Variants in PDE1C observed in about 807,000 individuals in gnomAD.
PDE1C encodes dual specificity calcium/calmodulin-dependent 3',5'-cyclic nucleotide phosphodiesterase 1C.
In PDE1C, 62 loss-of-function variants were observed where a neutral mutation model predicts 93.1. The observed-to-expected ratio is 0.67, with a 90% CI of 0.54 to 0.82. PDE1C has a LOEUF of 0.82. Ranked by LOEUF, PDE1C falls within the 40% of genes least tolerant of loss-of-function variation. The pLI is 0.00. For synonymous variants in PDE1C, 325 were observed against 310.1 expected, an observed-to-expected ratio of 1.05 and a Z score of -0.50; for missense variants, 742 against 884.6, an observed-to-expected ratio of 0.84 and a Z score of 2.04.
At chr7:32,071,087 G>A (rs1269912872), upstream of PDE1C, 9 of 985,496 alleles carry the variant, frequency 9.1e-6, no homozygotes, top group African/African-American at 1.7e-5. Context: ...GGGGCGCGCG[G>A]GCACCGCCGT....
chr7:32,309,406 A>G (rs1448971547), intron 1 of PDE1C, among the ~76,000 whole-genome samples: 3 of 152,326 alleles, frequency 2.0e-5, no homozygotes, highest in Non-Finnish European at 4.4e-5. Context: ...GAAAGCCACA[A>G]AGATACTCCT....
At chr7:32,382,119 G>A (rs1369376549) in intron 1 of PDE1C, among the ~76,000 whole-genome samples, 2 of 152,176 alleles carry the variant, frequency 1.3e-5, no homozygotes, top group African/African-American at 4.8e-5. Context: ...GGCAGAACCA[G>A]GATTTGAACC....
rs142207831 is a variant in PDE1C, at chr7:32,222,242, A to G, written c.86-12703T>C. Among the ~76,000 whole-genome samples, 38 of 152,336 alleles carry G rather than the reference A, an allele frequency of 2.5e-4. No individual in the cohort carries two copies. The East Asian group carries it at 6.9e-3, about 28-fold the overall frequency. On this transcript the variant is annotated intron_variant, in intron 1 of 18. Coordinates refer to the PDE1C transcript ENST00000396193. Reference sequence around the variant, plus strand: ...AGCATAAATCATCGCATCGTTACCAACTGGCTTCAGGCTGAACAGATCAAA... The same window carrying G: ...AGCATAAATCATCGCATCGTTACCAGCTGGCTTCAGGCTGAACAGATCAAA...
chr7:31,834,242 G>T (rs1024029923), intron 11 of PDE1C, among the ~76,000 whole-genome samples: 1 of 152,236 alleles, frequency 6.6e-6, no homozygotes, highest in African/African-American at 2.4e-5. Context: ...GATAACCTCT[G>T]CTATGGTAGT....
the PDE1C span, among the ~76,000 whole-genome samples, chr7:31,659,143 C>A: frequency 2.0e-5 from 3 of 152,048 alleles, no homozygotes; most frequent in African/African-American, 7.2e-5. Context: ...ATCCCTGAAA[C>A]CAAGTGTTTA....
At chr7:31,960,553 T>C (rs1432225996) in intron 2 of PDE1C, among the ~76,000 whole-genome samples, 2 of 152,226 alleles carry the variant, frequency 1.3e-5, no homozygotes, top group Non-Finnish European at 2.9e-5. Flanking sequence ...TTTATCATTG[T>C]ACAGTGATTA....
chr7:32,096,264 C>T (rs1417413903), intron 3 of PDE1C, among the ~76,000 whole-genome samples: 1 of 152,196 alleles, frequency 6.6e-6, no homozygotes, highest in Admixed American at 6.5e-5. Flanking sequence ...ATTCACTAAG[C>T]AGGCAGTGCA....
At chr7:32,130,988 T>C (rs975578212) in intron 3 of PDE1C, among the ~76,000 whole-genome samples, 1 of 152,102 alleles carries the variant, frequency 6.6e-6, no homozygotes, top group Non-Finnish European at 1.5e-5. Flanking sequence ...TCATGTTCCC[T>C]TTAGGTCCCT....
chr7:31,777,418 T>A (rs1417192291), intron 16 of PDE1C, among the ~76,000 whole-genome samples: 3 of 152,138 alleles, frequency 2.0e-5, no homozygotes, highest in Non-Finnish European at 2.9e-5. Context: ...AAGCTCCGTC[T>A]CCCGGGTTCA....
chr7:32,147,322 A>AAG lies in PDE1C; in HGVS notation c.308+22461_308+22462dup, dbSNP rs1025574627. On this transcript the variant is annotated intron_variant, in intron 3 of 18. Coordinates refer to the PDE1C transcript ENST00000396193. ...AAAGAAAGAAAGAAAGAAAGAAAGA[A>AAG]AGAAAGAAAGACGCTGTTTGTAGGT... Among the ~76,000 whole-genome samples, 280 of 144,126 alleles carry AAG rather than the reference A, an allele frequency of 1.9e-3. 5 individuals carry two copies. Among genetic ancestry groups the AAG allele is most frequent in the African/African-American group, 7.4e-3 (260 of 35,348 alleles). 94.6% of individuals were successfully genotyped at this position (144,126 alleles called of 152,430 possible).
chr7:31,660,527 CTGTT>C, the PDE1C span, among the ~76,000 whole-genome samples: 7 of 141,044 alleles, frequency 5.0e-5, no homozygotes, highest in Non-Finnish European at 1.1e-4. Context: ...TTTTTTTTTT[CTGTT>C]TATTTTTCTG....
intron 1 of PDE1C, among the ~76,000 whole-genome samples, chr7:32,356,867 GA>G (rs1488268521): frequency 6.6e-6 from 1 of 152,054 alleles, no homozygotes; most frequent in Non-Finnish European, 1.5e-5. Context: ...CTAAGAGAGT[GA>G]AATTCATCCC....
intron 2 of PDE1C, among the ~76,000 whole-genome samples, chr7:32,006,670 C>G (rs1325061635): frequency 6.6e-6 from 1 of 152,146 alleles, no homozygotes; most frequent in African/African-American, 2.4e-5. Context: ...CAGCAGGAAA[C>G]AAAACCGTGA....
intron 2 of PDE1C, among the ~76,000 whole-genome samples, chr7:32,193,191 T>C (rs1286235494): frequency 6.6e-6 from 1 of 152,190 alleles, no homozygotes; most frequent in Non-Finnish European, 1.5e-5. Context: ...AACACTATGT[T>C]GAATAGGAGT....
At chr7:32,056,368 AACACACACACACACACACACACAC>A (rs375602478) in intron 1 of PDE1C, among the ~76,000 whole-genome samples, 1 of 119,186 alleles carries the variant, frequency 8.4e-6, no homozygotes, top group Non-Finnish European at 1.8e-5. Context: ...CTCTCACTGA[AACACACACACACACACACACACAC>A]ACACACACAC....
intron 2 of PDE1C, among the ~76,000 whole-genome samples, chr7:32,170,464 G>A (rs1363890731): frequency 2.6e-5 from 4 of 152,008 alleles, no homozygotes; most frequent in Non-Finnish European, 5.9e-5. Context: ...CTTCAAACAC[G>A]TGAGATAAAT....
At chr7:31,782,397 A>T (rs1783494693) in intron 16 of PDE1C, among the ~76,000 whole-genome samples, 1 of 152,254 alleles carries the variant, frequency 6.6e-6, no homozygotes, top group Non-Finnish European at 1.5e-5. Context: ...GTTTCCTATT[A>T]TACTGTCGAT....
At chr7:31,665,210 C>T in the PDE1C span, among the ~76,000 whole-genome samples, 1 of 152,152 alleles carries the variant, frequency 6.6e-6, no homozygotes, top group Non-Finnish European at 1.5e-5. Context: ...CCCAGATATT[C>T]ACATTGCTGG....
At chr7:31,685,567 G>C in the PDE1C span, among the ~76,000 whole-genome samples, 1 of 152,274 alleles carries the variant, frequency 6.6e-6, no homozygotes, top group East Asian at 1.9e-4. Context: ...CTAACTCATT[G>C]GCCAACAAGG....
Sources: allele counts gnomAD v4.1 joint callset (sites outside exome capture counted in the v4.1 genomes callset), GRCh38; gene constraint gnomAD v4.1.1; transcripts MANE v1.5; gene names NCBI Gene and HGNC (gene_info 2026-07-23, HGNC 2026-07-21).